The following NCOR2 variants were observed in gnomAD, a reference collection of about 807,000 sequenced individuals.
NCOR2 encodes nuclear receptor corepressor 2.
NCOR2 carries 81 observed loss-of-function variants against 262.9 expected under a neutral mutation model. The observed-to-expected ratio is 0.31, with a 90% CI of 0.26 to 0.37. The LOEUF is 0.37. Ranked by LOEUF, NCOR2 falls within the 10% of genes least tolerant of loss-of-function variation. NCOR2 has a pLI of 1.00. For synonymous variants in NCOR2, 1,659 were observed against 1,559.3 expected (o/e 1.06, Z -1.51); for missense variants, 3,385 against 3,621.4 (o/e 0.93, Z 1.68).
chr12:124,429,792 G>T, intron 9 of NCOR2, 86 bp from the exon 12 acceptor site: 1 of 1,276,222 alleles, frequency 7.8e-7, no homozygotes, highest in Admixed American at 2.0e-5. Context: ...CTGAGCCCAC[G>T]CCCTCCCCAG....
chr12:124,467,005 T>TC (rs2046454707), intron 4 of NCOR2, among the ~76,000 whole-genome samples: 1 of 57,168 alleles, frequency 1.7e-5, no homozygotes, highest in Non-Finnish European at 3.3e-5. Flanking sequence ...ACCCCCATCA[T>TC]CCTCATCCTC....
chr12:124,509,866 G>A (rs1270016183), intron 1 of NCOR2, among the ~76,000 whole-genome samples: 5 of 152,010 alleles, frequency 3.3e-5, no homozygotes, highest in Admixed American at 3.3e-4. Flanking sequence ...CACACCCCCC[G>A]ACGGCCGCCC....
At chr12:124,374,292 C>T (rs1237697064) in intron 19 of NCOR2, 121 bp downstream of exon 21, 7 of 1,004,656 alleles carry the variant, frequency 7.0e-6, no homozygotes, top group Admixed American at 6.4e-5. Context: ...GGAGCACAAA[C>T]GGTGGCGCTC....
chr12:124,409,698 C>T (rs887847949), intron 13 of NCOR2, among the ~76,000 whole-genome samples: 4 of 151,904 alleles, frequency 2.6e-5, no homozygotes, highest in Admixed American at 6.5e-5. Flanking sequence ...TTTTTGGACG[C>T]AGGGTCTTGC....
In NCOR2 at chr12:124,385,861, A is replaced by C. The variant is rs779517766; in HGVS notation, c.1903T>G (p.Ser635Ala). The change falls in exon 17 of 47, where the codon TCG (serine) becomes GCG (alanine). Residue 635 changes from serine to alanine, a missense_variant. Physicochemically the swap from Ser to Ala is moderately conservative, Grantham distance 99. Around this residue, in one of 5 missense-constraint regions of NCOR2, gnomAD observed 515 missense variants for 781.2 expected, o/e 0.66. Coordinates refer to ENST00000405201, the Ensembl canonical transcript of NCOR2. ...GAGCCCACCATCCGGGCGATGGCCG[A>C]CCAGTTGCGGCCGTGTTCCAGGAGA... The C allele has an allele frequency of 6.2e-7, 1 of 1,613,670 alleles. No individual in the cohort carries two copies. Among genetic ancestry groups the C allele is most frequent in the South Asian group, 1.1e-5 (1 of 91,022 alleles).
chr12:124,440,136 C>T lies in NCOR2; in HGVS notation c.816-2140G>A, dbSNP rs181968112. On this transcript the variant is annotated intron_variant, in intron 7 of 46. Coordinates refer to ENST00000405201, the Ensembl canonical transcript of NCOR2. The surrounding 1 kb of genome is among the most constrained non-coding windows in gnomAD (Gnocchi z 5.7). Reference sequence around the variant, plus strand: ...TAACTTGCTGTCTGTCCCCAATCCGCGGCATTCAGTGGCACCCGCTTTTCT... The same window carrying T: ...TAACTTGCTGTCTGTCCCCAATCCGTGGCATTCAGTGGCACCCGCTTTTCT... Among the ~76,000 whole-genome samples, 513 of 152,314 alleles carry T rather than the reference C, an allele frequency of 3.4e-3. 1 individual carries two copies. The highest frequency in any genetic ancestry group is 4.8e-3 in the Non-Finnish European group (324 of 68,020).
upstream of NCOR2, among the ~76,000 whole-genome samples, chr12:124,536,440 A>C (rs1263542285): frequency 6.6e-6 from 1 of 152,240 alleles, no homozygotes; most frequent in African/African-American, 2.4e-5. Flanking sequence ...GCTAGTACCC[A>C]GAATACAGAG....
chr12:124,546,037 T>G (rs907331005), intron 1 of NCOR2, among the ~76,000 whole-genome samples: 4 of 152,348 alleles, frequency 2.6e-5, no homozygotes, highest in African/African-American at 9.6e-5. Flanking sequence ...AGGCTGTTTC[T>G]GCTCCCTGCA....
intron 38 of NCOR2, 26 bp downstream of exon 40, chr12:124,336,727 G>A (rs1329097724): frequency 4.3e-6 from 7 of 1,610,724 alleles, no homozygotes; most frequent in South Asian, 1.1e-5. Flanking sequence ...CGTCTATGAA[G>A]GTGGCCGCTG....
intron 26 of NCOR2, 137 bp from the exon 29 acceptor site, chr12:124,354,333 C>G (rs2037769938): frequency 3.5e-6 from 4 of 1,152,448 alleles, no homozygotes; most frequent in Non-Finnish European, 4.9e-6. Context: ...CCCCCTACCC[C>G]TAAATGGTGA....
chr12:124,401,210 CAA>C (rs34583413), intron 14 of NCOR2, among the ~76,000 whole-genome samples: 13 of 133,130 alleles, frequency 9.8e-5, no homozygotes, highest in East Asian at 2.2e-4. Context: ...GACCCTGTCT[CAA>C]AAAAAAAAAA....
chr12:124,365,977 G>A (rs184169394), intron 20 of NCOR2, among the ~76,000 whole-genome samples: 94 of 152,188 alleles, frequency 6.2e-4, no homozygotes, highest in African/African-American at 2.1e-3. Context: ...ACCACCATCC[G>A]TTTCAACCAG....
At chr12:124,553,111 C>T (rs1316422428) in intron 1 of NCOR2, among the ~76,000 whole-genome samples, 1 of 152,192 alleles carries the variant, frequency 6.6e-6, no homozygotes, top group African/African-American at 2.4e-5. Context: ...TGTCCATCAC[C>T]CTTTATGGCT....
chr12:124,402,169 G>C (rs2042018378), intron 14 of NCOR2, among the ~76,000 whole-genome samples: 1 of 152,180 alleles, frequency 6.6e-6, no homozygotes, highest in Admixed American at 6.5e-5. Flanking sequence ...GTCTCCAGAG[G>C]GTTGGAGAAA....
chr12:124,334,899 G>A (rs1366425028), intron 40 of NCOR2: 221 of 643,274 alleles, frequency 3.4e-4, no homozygotes, highest in Non-Finnish European at 2.4e-5. Flanking sequence ...TGCCCGTGAA[G>A]ATGCCATCGG....
rs547002911 is a variant in NCOR2, at chr12:124,420,038, G to T, written c.1401C>A (p.Val467=). 238 of 1,613,246 alleles carry T rather than the reference G, an allele frequency of 1.5e-4. 1 individual carries two copies. The East Asian group carries it at 4.6e-3, about 31-fold the overall frequency. The stretch of plus-strand genomic sequence containing the variant: ...TCTTCTTAGTCAGGTAGTAATAGAG[G>T]ACGCACTCAGCCACTGTCTGTGGGA... The change falls in exon 13 of 47, where the codon GTC becomes GTA. Residue 467 remains valine (V), a synonymous_variant. Transcript: ENST00000405201.
At chr12:124,407,168 A>G (rs1045988242) in intron 13 of NCOR2, among the ~76,000 whole-genome samples, 1 of 152,236 alleles carries the variant, frequency 6.6e-6, no homozygotes, top group Non-Finnish European at 1.5e-5. Flanking sequence ...TTCCGCCAGC[A>G]TAACCTGAAC....
intron 22 of NCOR2, among the ~76,000 whole-genome samples, chr12:124,358,003 T>C (rs962954828): frequency 2.7e-5 from 4 of 150,664 alleles, no homozygotes; most frequent in African/African-American, 9.8e-5. Flanking sequence ...GTGGTGTGTG[T>C]GTGTGCACAC....
At chr12:124,437,767 C>G (rs1294037840) in intron 8 of NCOR2, among the ~76,000 whole-genome samples, 163 bp downstream of exon 10, 1 of 140,152 alleles carries the variant, frequency 7.1e-6, no homozygotes, top group Non-Finnish European at 1.6e-5. Context: ...CAGCTGTTGT[C>G]TTTCCTCCTT....
Sources: allele counts gnomAD v4.1 joint callset (sites outside exome capture counted in the v4.1 genomes callset), GRCh38; gene constraint gnomAD v4.1.1; regional missense constraint gnomAD v4.1.1; non-coding constraint Gnocchi (gnomAD v3.1); transcripts MANE v1.5; gene names NCBI Gene and HGNC (gene_info 2026-07-23, HGNC 2026-07-21).